HIRA: variants seen among roughly 807,000 people sequenced by gnomAD.
HIRA encodes protein HIRA.
HIRA carries 13 observed loss-of-function variants against 126.6 expected under a neutral mutation model. That is an observed-to-expected ratio of 0.10 (90% CI 0.07 to 0.16). The LOEUF is 0.16. Among genes scored for constraint, HIRA ranks in the 10% least tolerant of loss-of-function variants. HIRA has a pLI of 1.00. For synonymous variants in HIRA, 511 were observed against 520.0 expected (o/e 0.98, Z 0.24); for missense variants, 834 against 1,314.4 (o/e 0.63, Z 5.65).
Position 19,385,509 on chromosome 22 carries a change from C to A in HIRA, c.1329+12G>T, listed in dbSNP as rs747973533. On this transcript the variant is annotated intron_variant, in intron 12 of 24. Coordinates refer to ENST00000263208, the MANE Select transcript of HIRA (RefSeq NM_003325.4). ...TGTCCATGTCTTTAGCGCCACCAGGCAGGGCTCTCACCTTCCTGATATCTT... is the reference window on the plus strand; with the variant it reads ...TGTCCATGTCTTTAGCGCCACCAGGAAGGGCTCTCACCTTCCTGATATCTT... 6.8e-6 allele frequency: 11 copies of A among 1,609,970 alleles called. No homozygotes were observed. The East Asian group carries it at 1.3e-4, about 20-fold the overall frequency.
At chr22:19,422,365 C>T (rs1220565978) in intron 1 of HIRA, among the ~76,000 whole-genome samples, 2 of 152,010 alleles carry the variant, frequency 1.3e-5, no homozygotes, top group Admixed American at 1.3e-4. Flanking sequence ...GCTTGGATTA[C>T]TACCAGTAGT....
chr22:19,381,961 T>C (rs374705509), intron 13 of HIRA, among the ~76,000 whole-genome samples: 3 of 152,238 alleles, frequency 2.0e-5, no homozygotes, highest in African/African-American at 7.2e-5. Context: ...TCACTTTTAG[T>C]AATTTTATTT....
At chr22:19,387,680 G>A (rs1034629628) in intron 11 of HIRA, 31 bp downstream of exon 11, 2 of 1,560,472 alleles carry the variant, frequency 1.3e-6, no homozygotes, top group African/African-American at 2.7e-5. Flanking sequence ...TGGCCACAGA[G>A]CACCCAGCAG....
At chr22:19,392,255 A>G (rs2089188994) in intron 8 of HIRA, 41 bp from the exon 9 acceptor site, 1 of 1,283,428 alleles carries the variant, frequency 7.8e-7, no homozygotes, top group Non-Finnish European at 1.1e-6. Context: ...TTAATCAAGC[A>G]TCAGGCATGT....
chr22:19,414,796 T>A (rs887797422), intron 1 of HIRA, among the ~76,000 whole-genome samples: 1 of 152,112 alleles, frequency 6.6e-6, no homozygotes, highest in Non-Finnish European at 1.5e-5. Context: ...CCAAGGCAGG[T>A]AGATCACTTG....
chr22:19,400,785 C>T (rs927514399), intron 5 of HIRA, among the ~76,000 whole-genome samples: 6 of 152,086 alleles, frequency 3.9e-5, no homozygotes, highest in Non-Finnish European at 8.8e-5. Flanking sequence ...TCCTTAAATT[C>T]CTCCTTCCCT....
In HIRA at chr22:19,429,860, T is replaced by C. The variant is rs141367277; in HGVS notation, c.37+1580A>G. Among the ~76,000 whole-genome samples the C allele has an allele frequency of 6.5e-3, 997 of 152,344 alleles. 15 individuals are homozygous for C. Among genetic ancestry groups the C allele is most frequent in the Non-Finnish European group, 9.6e-3 (652 of 68,038 alleles). ...TTTAAAATAAAAATTCTATCAGACCTTCACACAGTAAACTAGTTCATAATA... is the reference window on the plus strand; with the variant it reads ...TTTAAAATAAAAATTCTATCAGACCCTCACACAGTAAACTAGTTCATAATA... On this transcript the variant is annotated intron_variant, in intron 1 of 24. Coordinates refer to ENST00000263208, the MANE Select transcript of HIRA (RefSeq NM_003325.4).
intron 12 of HIRA, among the ~76,000 whole-genome samples, chr22:19,384,616 C>T (rs532412612): frequency 1.3e-5 from 2 of 151,958 alleles, no homozygotes; most frequent in East Asian, 3.9e-4. Flanking sequence ...GCTCTGTACC[C>T]GTGAACCACA....
intron 12 of HIRA, among the ~76,000 whole-genome samples, 189 bp from the exon 13 acceptor site, chr22:19,383,894 G>A (rs1025231560): frequency 1.3e-5 from 2 of 152,086 alleles, no homozygotes; most frequent in African/African-American, 4.8e-5. Context: ...GAGATTTCTA[G>A]GACTTATTCA....
chr22:19,402,955 C>A (rs1206630921), intron 5 of HIRA, among the ~76,000 whole-genome samples: 1 of 151,490 alleles, frequency 6.6e-6, no homozygotes, highest in African/African-American at 2.4e-5. Context: ...AAAAAAAAAT[C>A]AGCCAGGTAT....
Position 19,356,902 on chromosome 22 carries a change from G to A in HIRA, c.2384C>T (p.Thr795Ile), listed in dbSNP as rs2088817562. 3.1e-6 allele frequency: 5 copies of A among 1,613,814 alleles called. No individual in the cohort carries two copies. Among genetic ancestry groups the A allele is most frequent in the Non-Finnish European group, 4.2e-6 (5 of 1,179,956 alleles). The change falls in exon 19 of 25, where the codon ACA (threonine) becomes ATA (isoleucine). Residue 795 changes from threonine (T) to isoleucine (I), a missense_variant. Transcript: ENST00000263208. ...GCCTGCCTCTCACCAGACAGAGAGT[G>A]TGGCTGCAGCGGTGAGCGCCATGAC... Reference protein sequence around the residue: ...SYVMALTAAATLSVWDVHRQV... With the variant: ...SYVMALTAAAILSVWDVHRQV...
At chr22:19,390,248 C>T (rs1007793875) in intron 9 of HIRA, among the ~76,000 whole-genome samples, 1 of 152,044 alleles carries the variant, frequency 6.6e-6, no homozygotes. Context: ...CTGCTGAGAA[C>T]CTGCTCTGTA....
chr22:19,343,605 T>C (rs1365487420), intron 24 of HIRA, among the ~76,000 whole-genome samples: 1 of 151,874 alleles, frequency 6.6e-6, no homozygotes, highest in Non-Finnish European at 1.5e-5. Context: ...CACACTGTTA[T>C]TTTAAATTTC....
chr22:19,404,500 C>T (rs5993627), intron 5 of HIRA, among the ~76,000 whole-genome samples: 2,613 of 152,298 alleles, frequency 0.017, 84 homozygotes, highest in African/African-American at 0.059. Flanking sequence ...AACAATAACA[C>T]AACACTAACC....
chr22:19,348,944 C>A (rs1556009882), intron 24 of HIRA, among the ~76,000 whole-genome samples: 1 of 151,590 alleles, frequency 6.6e-6, no homozygotes, highest in South Asian at 2.1e-4. Flanking sequence ...TGTCACCAAG[C>A]CCAGCTAATT....
chr22:19,379,587 T>C (rs2089052765), intron 13 of HIRA, among the ~76,000 whole-genome samples: 1 of 146,598 alleles, frequency 6.8e-6, no homozygotes, highest in African/African-American at 2.5e-5. Flanking sequence ...ATCACACCAC[T>C]GTACTCCAGC....
chr22:19,378,032 G>C lies in HIRA; in HGVS notation c.1450C>G (p.Leu484Val), dbSNP rs1171324165. 2 of 1,598,190 alleles carry C rather than the reference G, an allele frequency of 1.3e-6. No homozygotes were observed. The highest frequency in any genetic ancestry group is 1.7e-6 in the Non-Finnish European group (2 of 1,171,358). ...ATGGTGCCCGCCAGGGAGCCCGAGA[G>C]GGGGATGCTGTTAAAGAATGCCGTG... ...FSTAFFNSIP[L>V]SGSLAGTMLS... The change falls in exon 14 of 25, where the codon CTC (leucine) becomes GTC (valine). Residue 484 changes from leucine to valine, a missense_variant. Physicochemically the swap from Leu to Val is conservative, Grantham distance 32 (BLOSUM62 1). This residue lies in a region of HIRA where 468 missense variants were observed against 574.2 expected (regional missense o/e 0.82). Coordinates refer to ENST00000263208, the MANE Select transcript of HIRA (RefSeq NM_003325.4).
At chr22:19,428,482 G>A (rs1031151561) in intron 1 of HIRA, among the ~76,000 whole-genome samples, 3 of 152,150 alleles carry the variant, frequency 2.0e-5, no homozygotes, top group African/African-American at 7.2e-5. Flanking sequence ...CTACCTTAGA[G>A]GTGTCTCTAT....
intron 24 of HIRA, chr22:19,350,987 T>A (rs2088751039): frequency 8.1e-6 from 2 of 248,054 alleles, no homozygotes; most frequent in Admixed American, 1.3e-4. Context: ...CTGAATCTAG[T>A]CTGAAAATAT....
Sources: gnomAD v4.1 joint callset for allele counts (sites outside exome capture counted in the v4.1 genomes callset) on GRCh38, gnomAD v4.1.1 for gene constraint, gnomAD v4.1.1 regional missense constraint, MANE v1.5 for transcripts, NCBI Gene and HGNC (gene_info 2026-07-23, HGNC 2026-07-21) for gene names.